The following PPP2R2A variants were observed in gnomAD, a reference collection of about 807,000 sequenced individuals.
PPP2R2A encodes the protein serine/threonine-protein phosphatase 2A 55 kDa regulatory subunit B alpha isoform.
PPP2R2A carries 9 observed loss-of-function variants against 53.2 expected under a neutral mutation model. The observed-to-expected ratio is 0.17, with a 90% CI of 0.10 to 0.30. PPP2R2A has a LOEUF of 0.30. Among genes scored for constraint, PPP2R2A ranks in the 10% least tolerant of loss-of-function variants. The pLI is 1.00. For synonymous variants in PPP2R2A, 169 were observed against 174.2 expected (o/e 0.97, Z 0.23); for missense variants, 235 against 534.6 (o/e 0.44, Z 5.53).
At chr8:26,315,182 G>A (rs1437945554) in intron 2 of PPP2R2A, among the ~76,000 whole-genome samples, 1 of 152,000 alleles carries the variant, frequency 6.6e-6, no homozygotes, top group African/African-American at 2.4e-5. Context: ...CTGGTATCTG[G>A]GAATCCTTGG....
At position 26,300,582 on chromosome 8, in the gene PPP2R2A, G is replaced by A. The variant is rs767819885; in HGVS notation, c.82+6842G>A. 6.2e-4 allele frequency among the ~76,000 whole-genome samples: 95 copies of A among 152,200 alleles called. 1 individual carries two copies. Among genetic ancestry groups the A allele is most frequent in the Non-Finnish European group, 2.4e-4 (16 of 68,038 alleles). On this transcript the variant is annotated intron_variant, in intron 2 of 9. Coordinates refer to ENST00000380737, the MANE Select transcript of PPP2R2A (RefSeq NM_002717.4). The stretch of plus-strand genomic sequence containing the variant: ...AAAGAAAAGTAAAAGCTGGCGGGGC[G>A]CGGTGGCTCACGCCTGTAATCCCAG...
At chr8:26,332,060 A>C (rs1453312956) in intron 2 of PPP2R2A, among the ~76,000 whole-genome samples, 1 of 152,148 alleles carries the variant, frequency 6.6e-6, no homozygotes, top group Non-Finnish European at 1.5e-5. Flanking sequence ...CAGATGGTTA[A>C]AAATACTTAA....
chr8:26,304,279 C>CT (rs5890310), intron 2 of PPP2R2A, among the ~76,000 whole-genome samples: 11,985 of 146,896 alleles, frequency 0.082, 532 homozygotes, highest in African/African-American at 0.13. Flanking sequence ...GTGTTCCCAT[C>CT]TTTTTTTTTT....
intron 2 of PPP2R2A, among the ~76,000 whole-genome samples, chr8:26,301,936 C>T (rs1234642834): frequency 6.6e-6 from 1 of 152,130 alleles, no homozygotes. Flanking sequence ...TTTAAAAAAC[C>T]ATCAGTTTTA....
At position 26,291,562 on chromosome 8, in the gene PPP2R2A, G is replaced by C. The variant is rs1245053097; in HGVS notation, c.-258G>C. On this transcript the variant is annotated 5_prime_UTR_variant, in exon 1 of 10. Coordinates refer to ENST00000380737, the MANE Select transcript of PPP2R2A (RefSeq NM_002717.4). ...GTCGCCTGCCCCTGCCGCTGCCGCCGCCGCCGTCGCTGTCGTAGTCGCCGC... is the reference window on the plus strand; with the variant it reads ...GTCGCCTGCCCCTGCCGCTGCCGCCCCCGCCGTCGCTGTCGTAGTCGCCGC... 3 of 502,602 alleles carry C rather than the reference G, an allele frequency of 6.0e-6. No individual in the cohort carries two copies. 31.1% of individuals were successfully genotyped at this position (502,602 alleles called of 1,614,324 possible). A position where few individuals can be genotyped will look rare whatever the true frequency, so the allele number is the denominator to read the frequency against.
intron 6 of PPP2R2A, among the ~76,000 whole-genome samples, chr8:26,361,963 A>G (rs1358835188): frequency 6.7e-6 from 1 of 149,794 alleles, no homozygotes; most frequent in Non-Finnish European, 1.5e-5. Flanking sequence ...CTCTGTCTCA[A>G]AAAATATATA....
intron 4 of PPP2R2A, among the ~76,000 whole-genome samples, chr8:26,357,965 G>C (rs1037262021): frequency 6.6e-5 from 10 of 151,798 alleles, no homozygotes; most frequent in African/African-American, 2.4e-4. Flanking sequence ...TTGTCTTATG[G>C]GCCAAAAACT....
At chr8:26,322,299 A>G (rs1019294352) in intron 2 of PPP2R2A, among the ~76,000 whole-genome samples, 3 of 152,174 alleles carry the variant, frequency 2.0e-5, no homozygotes, top group African/African-American at 7.2e-5. Context: ...AATATAAGGA[A>G]CATAGCATTT....
intron 2 of PPP2R2A, among the ~76,000 whole-genome samples, chr8:26,301,077 C>G (rs1801761193): frequency 1.3e-5 from 2 of 152,114 alleles, no homozygotes; most frequent in Non-Finnish European, 2.9e-5. Context: ...AGTTAATTAA[C>G]TGTATAATCT....
chr8:26,346,117 G>GTTATTATTATTATTATTA (rs71551870), intron 3 of PPP2R2A, among the ~76,000 whole-genome samples: 6 of 144,432 alleles, frequency 4.2e-5, no homozygotes, highest in African/African-American at 1.0e-4. Flanking sequence ...TACCAGTCGG[G>GTTATTATTATTATTATTA]TTATTATTAT....
intron 3 of PPP2R2A, among the ~76,000 whole-genome samples, chr8:26,352,880 T>G (rs1259020217): frequency 6.6e-6 from 1 of 152,244 alleles, no homozygotes; most frequent in Non-Finnish European, 1.5e-5. Context: ...GTTTCTACTT[T>G]GACTAAAGTT....
At chr8:26,358,051 TACTG>T (rs1804883636) in intron 4 of PPP2R2A, among the ~76,000 whole-genome samples, 1 of 152,154 alleles carries the variant, frequency 6.6e-6, no homozygotes, top group Admixed American at 6.5e-5. Flanking sequence ...TTTATTAACA[TACTG>T]ATTTATTTCC....
At chr8:26,295,114 TACTC>T (rs1395405522) in intron 2 of PPP2R2A, among the ~76,000 whole-genome samples, 5 of 152,228 alleles carry the variant, frequency 3.3e-5, no homozygotes, top group Admixed American at 6.5e-5. Context: ...AGTTGTGTAA[TACTC>T]ACCAAGTTAT....
In PPP2R2A at chr8:26,291,542, C is replaced by T. The variant is rs1025679260; in HGVS notation, c.-278C>T. 69 of 521,098 alleles carry T rather than the reference C, an allele frequency of 1.3e-4. No individual in the cohort carries two copies. The Admixed American group carries it at 1.5e-3, about 12-fold the overall frequency. 32.3% of individuals were successfully genotyped at this position (521,098 alleles called of 1,614,324 possible). On this transcript the variant is annotated 5_prime_UTR_variant, in exon 1 of 10. Transcript: ENST00000380737. ...GGCGCCATTTTGAAAGTGGAGTCGCCTGCCCCTGCCGCTGCCGCCGCCGCC... is the reference window on the plus strand; with the variant it reads ...GGCGCCATTTTGAAAGTGGAGTCGCTTGCCCCTGCCGCTGCCGCCGCCGCC...
chr8:26,291,637 T>C lies in PPP2R2A; in HGVS notation c.-183T>C, dbSNP rs1156731504. The C allele has an allele frequency of 7.8e-6, 5 of 637,288 alleles. No homozygotes were observed. Among genetic ancestry groups the C allele is most frequent in the Admixed American group, 6.1e-5 (2 of 32,932 alleles). 39.5% of individuals were successfully genotyped at this position (637,288 alleles called of 1,614,324 possible). On this transcript the variant is annotated 5_prime_UTR_variant, in exon 1 of 10. Transcript: ENST00000380737. ...AGCGGGGAAGCCCCAGAGTGAAATC[T>C]AGCATCCTGCCGGCTGGTCTGCCCG... is the stretch of plus-strand genomic sequence containing the variant.
At chr8:26,293,254 C>T (rs1466455497) in intron 1 of PPP2R2A, 25 of 1,535,770 alleles carry the variant, frequency 1.6e-5, no homozygotes, top group East Asian at 2.4e-5. Context: ...GTAATGTTCC[C>T]GAAGTTTTCT....
At chr8:26,337,257 A>C (rs1420159394) in intron 2 of PPP2R2A, among the ~76,000 whole-genome samples, 1 of 152,196 alleles carries the variant, frequency 6.6e-6, no homozygotes, top group Non-Finnish European at 1.5e-5. Context: ...GTTAGGCTAA[A>C]AAAAACCCAG....
intron 2 of PPP2R2A, among the ~76,000 whole-genome samples, chr8:26,300,468 C>G (rs1245422926): frequency 2.6e-5 from 4 of 152,070 alleles, no homozygotes. Flanking sequence ...AGTTAATATC[C>G]TCAACTGTAA....
chr8:26,372,175 A>G lies in PPP2R2A; in HGVS notation c.*1762A>G, dbSNP rs535018973. The G allele has an allele frequency of 2.6e-5, 4 of 152,198 alleles. No individual in the cohort carries two copies. The highest frequency in any genetic ancestry group is 4.4e-5 in the Non-Finnish European group (3 of 68,026). The allele number at this position is 152,198 out of a possible 1,614,324, so 9.4% of individuals were successfully genotyped here. A position where few individuals can be genotyped will look rare whatever the true frequency, so the allele number is the denominator to read the frequency against. On this transcript the variant is annotated 3_prime_UTR_variant, in exon 10 of 10. Coordinates refer to ENST00000380737, the MANE Select transcript of PPP2R2A (RefSeq NM_002717.4). The stretch of plus-strand genomic sequence containing the variant: ...TTACTGTATCTTTTGGATTTAACAA[A>G]TTTGTATTTGAAACACATTCTATGT...
Sources: gnomAD v4.1 joint callset for allele counts (sites outside exome capture counted in the v4.1 genomes callset) on GRCh38, gnomAD v4.1.1 for gene constraint, MANE v1.5 for transcripts, NCBI Gene and HGNC (gene_info 2026-07-23, HGNC 2026-07-21) for gene names.